The following DCUN1D3 variants were observed in gnomAD, a reference collection of about 807,000 sequenced individuals.
DCUN1D3 encodes the protein DCN1-like protein 3.
DCUN1D3 carries 6 observed loss-of-function variants against 24.8 expected under a neutral mutation model. The observed-to-expected ratio is 0.24, with a 90% confidence interval of 0.13 to 0.48. The LOEUF is 0.48. DCUN1D3 is among the 20% of genes least tolerant of loss of function. The probability of loss-of-function intolerance (pLI) is 0.99; values close to 1 mark genes in which losing one functional copy is unlikely to be tolerated. For missense variants in DCUN1D3, 258 were observed against 379.4 expected (o/e 0.68, Z 2.66); for synonymous variants, 120 against 144.9 (o/e 0.83, Z 1.24).
intron 1 of DCUN1D3, among the ~76,000 whole-genome samples, chr16:20,875,934 A>AAATAATAATAAT (rs892191257): frequency 2.6e-5 from 4 of 152,022 alleles, no homozygotes; most frequent in Non-Finnish European, 5.9e-5. Context: ...CTTAATAGCA[A>AAATAATAATAAT]AATAATAATA....
At chr16:20,894,602 C>A (rs916168487) in intron 1 of DCUN1D3, among the ~76,000 whole-genome samples, 2 of 152,198 alleles carry the variant, frequency 1.3e-5, no homozygotes, top group African/African-American at 4.8e-5. Flanking sequence ...CAATCCCAAG[C>A]CTAACAATAT....
At chr16:20,898,398 AG>A (rs2081929072) in intron 1 of DCUN1D3, among the ~76,000 whole-genome samples, 1 of 152,202 alleles carries the variant, frequency 6.6e-6, no homozygotes, top group African/African-American at 2.4e-5. Flanking sequence ...GCTCCATGAA[AG>A]GGTGAACCTT....
At position 20,862,595 on chromosome 16, in the gene DCUN1D3, C is replaced by T. The variant is rs1052469934; in HGVS notation, c.-57G>A. On this transcript the variant is annotated 5_prime_UTR_variant, in exon 2 of 3. Transcript: ENST00000324344. Reference sequence around the variant, plus strand: ...CCTCTGGATTGGATGCCCTCGCTGCCGCTGGCCCATGTACCTCAACATGCC... The same window carrying T: ...CCTCTGGATTGGATGCCCTCGCTGCTGCTGGCCCATGTACCTCAACATGCC... 3.9e-6 allele frequency: 6 copies of T among 1,541,592 alleles called. No individual in the cohort carries two copies. Among genetic ancestry groups the T allele is most frequent in the African/African-American group, 1.4e-5 (1 of 72,924 alleles).
At chr16:20,880,327 C>T (rs967877651) in intron 1 of DCUN1D3, among the ~76,000 whole-genome samples, 4 of 152,058 alleles carry the variant, frequency 2.6e-5, no homozygotes, top group Non-Finnish European at 4.4e-5. Flanking sequence ...TGGCATAATG[C>T]GAAGGCTCAC....
intron 1 of DCUN1D3, among the ~76,000 whole-genome samples, chr16:20,886,226 C>CT (rs937031069): frequency 6.6e-6 from 1 of 152,122 alleles, no homozygotes; most frequent in Non-Finnish European, 1.5e-5. Flanking sequence ...GAAGGCAAGT[C>CT]TTTAAGTCCT....
intron 1 of DCUN1D3, among the ~76,000 whole-genome samples, chr16:20,864,193 A>T (rs1287390286): frequency 6.6e-6 from 1 of 152,126 alleles, no homozygotes; most frequent in Non-Finnish European, 1.5e-5. Context: ...CAAATATGAA[A>T]CTATCAAGAG....
In DCUN1D3 at chr16:20,860,129, C is replaced by A; in HGVS notation, c.672G>T (p.Trp224Cys). Residue 224 changes from tryptophan to cysteine, a missense_variant, in exon 3 of 3, where the codon TGG becomes TGT. Trp to Cys is a radical substitution (Grantham distance 215). Transcript: ENST00000324344. The surrounding 1 kb of genome is among the most constrained non-coding windows in gnomAD (Gnocchi z 4.3). ...TQNNPPVLDQ[W>C]LNFLTENPSG... ...AGGGGTTCTCTGTTAGGAAGTTTAG[C>A]CATTGGTCCAATACCGGAGGATTGT... The A allele has an allele frequency of 6.2e-7, 1 of 1,614,212 alleles. No homozygotes were observed. Among genetic ancestry groups the A allele is most frequent in the Non-Finnish European group, 8.5e-7 (1 of 1,180,038 alleles).
intron 1 of DCUN1D3, among the ~76,000 whole-genome samples, chr16:20,875,487 C>T (rs2081810252): frequency 6.6e-6 from 1 of 152,178 alleles, no homozygotes; most frequent in Non-Finnish European, 1.5e-5. Flanking sequence ...TCTACCAACT[C>T]TCTAGCTCAC....
chr16:20,862,534 C>T lies in DCUN1D3; in HGVS notation c.5G>A (p.Gly2Asp). The T allele has an allele frequency of 6.2e-7, 1 of 1,600,602 alleles. No homozygotes were observed. The change falls in exon 2 of 3, where the codon GGC (glycine) becomes GAC (aspartate). Residue 2 changes from glycine (G) to aspartate (D), a missense_variant. Gly to Asp is a moderately conservative substitution (Grantham distance 94). Transcript: ENST00000324344. M[G>D]QCVTKCKNPS... ...ATTCTTACACTTGGTGACACACTGG[C>T]CCATGGTGCTGGTGGCCTGGCCTCT...
In DCUN1D3 at chr16:20,875,262, T is replaced by G. The variant is rs183844653; in HGVS notation, c.-105-12619A>C. ...CACACACACACACACACACAAATGT[T>G]GCATCCAACAATAGGGGGTCCATGA... On this transcript the variant is annotated intron_variant, in intron 1 of 2. Coordinates refer to ENST00000324344, the MANE Select transcript of DCUN1D3 (RefSeq NM_173475.4). 4.6e-3 allele frequency among the ~76,000 whole-genome samples: 684 copies of G among 147,942 alleles called. 6 individuals carry two copies. Among genetic ancestry groups the G allele is most frequent in the African/African-American group, 0.016 (633 of 39,346 alleles).
At chr16:20,873,120 C>CAAAAAAAA (rs557201637) in intron 1 of DCUN1D3, among the ~76,000 whole-genome samples, 1 of 63,716 alleles carries the variant, frequency 1.6e-5, no homozygotes. Flanking sequence ...GACTCTGTCT[C>CAAAAAAAA]AAAAAAAAAA....
At chr16:20,864,762 A>T (rs2081752538) in intron 1 of DCUN1D3, among the ~76,000 whole-genome samples, 2 of 152,226 alleles carry the variant, frequency 1.3e-5, no homozygotes, top group African/African-American at 4.8e-5. Flanking sequence ...AGTGACAGAT[A>T]AGATAAAGAA....
rs1220029181 is a variant in DCUN1D3, at chr16:20,858,846, T to TAAA, written c.*1037_*1039dup. 8.2e-6 allele frequency: 1 copy of TAAA among 122,080 alleles called. No individual in the cohort carries two copies. The highest frequency in any genetic ancestry group is 1.7e-5 in the Non-Finnish European group (1 of 57,568). The allele number at this position is 122,080 out of a possible 1,614,324, so 7.6% of individuals were successfully genotyped here. A position where few individuals can be genotyped will look rare whatever the true frequency, so the allele number is the denominator to read the frequency against. ...TATTCAAAGAAAAAAATAAAAATAT[T>TAAA]AAAAAAAAAAAAATTCAAGCAGAGC... On this transcript the variant is annotated 3_prime_UTR_variant, in exon 3 of 3. Coordinates refer to ENST00000324344, the MANE Select transcript of DCUN1D3 (RefSeq NM_173475.4).
chr16:20,873,393 CA>C (rs2081799073), intron 1 of DCUN1D3, among the ~76,000 whole-genome samples: 1 of 152,168 alleles, frequency 6.6e-6, no homozygotes, highest in African/African-American at 2.4e-5. Context: ...GGTTTAACAT[CA>C]GGGGTAGAAG....
chr16:20,868,432 C>A (rs1047273466), intron 1 of DCUN1D3, among the ~76,000 whole-genome samples: 1 of 152,216 alleles, frequency 6.6e-6, no homozygotes, highest in Non-Finnish European at 1.5e-5. Flanking sequence ...CAAACCAAGA[C>A]AAACCATTGC....
chr16:20,889,088 C>G (rs559458572), intron 1 of DCUN1D3, among the ~76,000 whole-genome samples: 11 of 152,074 alleles, frequency 7.2e-5, no homozygotes, highest in Non-Finnish European at 1.6e-4. Flanking sequence ...ATTAGCCGGG[C>G]GTGGTGGCAC....
chr16:20,861,097 C>A (rs573208056), intron 2 of DCUN1D3, among the ~76,000 whole-genome samples: 13 of 152,304 alleles, frequency 8.5e-5, no homozygotes, highest in Admixed American at 7.2e-4. Flanking sequence ...CCGTGCTCTA[C>A]AAACCACATT....
chr16:20,879,956 T>C (rs962083349), intron 1 of DCUN1D3, among the ~76,000 whole-genome samples: 1 of 152,220 alleles, frequency 6.6e-6, no homozygotes, highest in Non-Finnish European at 1.5e-5. Flanking sequence ...GAAGTCAACC[T>C]AATAATCTTA....
At position 20,868,384 on chromosome 16, in the gene DCUN1D3, G is replaced by A. The variant is rs1280600964; in HGVS notation, c.-105-5741C>T. On this transcript the variant is annotated intron_variant, in intron 1 of 2. Transcript: ENST00000324344. ...GTCAAGGAGTCTATTTAGGAATGGA[G>A]GAAACAGAAGCGCAGTGATGAAGAG... Among the ~76,000 whole-genome samples the A allele has an allele frequency of 2.6e-5, 4 of 152,226 alleles. No homozygotes were observed. The East Asian group carries it at 7.7e-4, about 29-fold the overall frequency.
Sources: allele counts gnomAD v4.1 joint callset (sites outside exome capture counted in the v4.1 genomes callset), GRCh38; gene constraint gnomAD v4.1.1; non-coding constraint Gnocchi (gnomAD v3.1); transcripts MANE v1.5; gene names NCBI Gene and HGNC (gene_info 2026-07-23, HGNC 2026-07-21).